Variants in EMB observed in about 807,000 individuals in gnomAD.
The protein encoded by EMB is embigin homolog.
EMB carries 31 observed loss-of-function variants against 41.4 expected under a neutral mutation model. That is an observed-to-expected ratio of 0.75 (90% CI 0.56 to 1.01). The LOEUF is 1.01. EMB is among the 50% of genes least tolerant of loss of function. The pLI is 0.00. For missense variants in EMB, 379 were observed against 388.3 expected, an observed-to-expected ratio of 0.98 and a Z score of 0.20; for synonymous variants, 137 against 140.4, an observed-to-expected ratio of 0.98 and a Z score of 0.17.
At chr5:50,428,366 C>T in intron 1 of EMB, 139 bp from the exon 2 acceptor site, 1 of 1,238,154 alleles carries the variant, frequency 8.1e-7, no homozygotes, top group Non-Finnish European at 1.1e-6. Flanking sequence ...GTCTTATATA[C>T]TTCAAAGACA....
intron 2 of EMB, among the ~76,000 whole-genome samples, chr5:50,426,912 A>C (rs1298563314): frequency 6.6e-6 from 1 of 151,754 alleles, no homozygotes; most frequent in Non-Finnish European, 1.5e-5. Flanking sequence ...AAAAAAAAAA[A>C]AAACACTTAG....
chr5:50,418,049 C>A (rs1380670670), intron 2 of EMB, among the ~76,000 whole-genome samples: 1 of 152,174 alleles, frequency 6.6e-6, no homozygotes, highest in Non-Finnish European at 1.5e-5. Context: ...AAAACAAAAA[C>A]AATTCTGTTT....
At chr5:50,428,006 C>G (rs1339682957) in intron 2 of EMB, 138 bp downstream of exon 2, 10 of 591,228 alleles carry the variant, frequency 1.7e-5, no homozygotes, top group Non-Finnish European at 3.0e-5. Context: ...AGATTCCCAG[C>G]TCACTACTGG....
intron 1 of EMB, among the ~76,000 whole-genome samples, chr5:50,440,377 T>C (rs1379439268): frequency 6.6e-6 from 1 of 151,536 alleles, no homozygotes; most frequent in Non-Finnish European, 1.5e-5. Context: ...CTACTAAAAA[T>C]ATAAAATTAG....
At chr5:50,414,974 C>T (rs1745405239) in intron 2 of EMB, among the ~76,000 whole-genome samples, 1 of 152,134 alleles carries the variant, frequency 6.6e-6, no homozygotes, top group Non-Finnish European at 1.5e-5. Context: ...ATGCTCTTTA[C>T]TTGCAAAATT....
At chr5:50,406,861 G>T (rs1745257556) in intron 4 of EMB, among the ~76,000 whole-genome samples, 1 of 151,926 alleles carries the variant, frequency 6.6e-6, no homozygotes, top group Admixed American at 6.6e-5. Flanking sequence ...CTAAAGACCT[G>T]CAGATAAGCA....
Position 50,398,745 on chromosome 5 carries a change from T to C in EMB, c.*528A>G, listed in dbSNP as rs888392048. On this transcript the variant is annotated 3_prime_UTR_variant, in exon 9 of 9. Coordinates refer to ENST00000303221, the MANE Select transcript of EMB (RefSeq NM_198449.3). ...TCTTGTGGAGATTGTAGAATAACTATCATTAGCAAAGGCAGAAAGTATTCA... is the reference window on the plus strand; with the variant it reads ...TCTTGTGGAGATTGTAGAATAACTACCATTAGCAAAGGCAGAAAGTATTCA... The C allele has an allele frequency of 2.0e-5, 3 of 152,198 alleles. No homozygotes were observed. Among genetic ancestry groups the C allele is most frequent in the African/African-American group, 7.2e-5 (3 of 41,428 alleles). 9.4% of individuals were successfully genotyped at this position (152,198 alleles called of 1,614,324 possible). A position where few individuals can be genotyped will look rare whatever the true frequency, so the allele number is the denominator to read the frequency against.
At chr5:50,433,078 CA>C (rs55732801) in intron 1 of EMB, among the ~76,000 whole-genome samples, 43 of 134,888 alleles carry the variant, frequency 3.2e-4, no homozygotes, top group Admixed American at 7.4e-4. Context: ...ACTCTGTCTC[CA>C]AAAAAAAAAC....
At chr5:50,409,487 T>C (rs1322232636) in intron 4 of EMB, among the ~76,000 whole-genome samples, 3 of 152,050 alleles carry the variant, frequency 2.0e-5, no homozygotes, top group Non-Finnish European at 4.4e-5. Flanking sequence ...TCTTTACATA[T>C]TTTTTAAAAA....
At chr5:50,405,016 G>A (rs185751813) in intron 5 of EMB, among the ~76,000 whole-genome samples, 27 of 152,002 alleles carry the variant, frequency 1.8e-4, no homozygotes, top group African/African-American at 6.3e-4. Flanking sequence ...ATGCTTCTTA[G>A]TGCCAGGGCA....
chr5:50,412,409 G>T (rs1318995600), intron 2 of EMB, among the ~76,000 whole-genome samples: 1 of 152,018 alleles, frequency 6.6e-6, no homozygotes, highest in Non-Finnish European at 1.5e-5. Context: ...AACCTCCATT[G>T]TCATAAATCC....
At chr5:50,419,536 T>TACACACACACAC (rs371940991) in intron 2 of EMB, among the ~76,000 whole-genome samples, 2,717 of 142,698 alleles carry the variant, frequency 0.019, 38 homozygotes, top group South Asian at 0.027. Context: ...CCCCACTACA[T>TACACACACACAC]ACACACACAC....
At chr5:50,404,023 G>C (rs1305716024) in intron 5 of EMB, among the ~76,000 whole-genome samples, 1 of 151,870 alleles carries the variant, frequency 6.6e-6, no homozygotes, top group African/African-American at 2.4e-5. Context: ...CACACCTTCT[G>C]TCTTTTCATA....
At chr5:50,431,612 T>C (rs977035546) in intron 1 of EMB, among the ~76,000 whole-genome samples, 3 of 152,166 alleles carry the variant, frequency 2.0e-5, no homozygotes, top group Non-Finnish European at 4.4e-5. Flanking sequence ...AAACCTCATC[T>C]GATAGGGAAA....
intron 6 of EMB, 112 bp downstream of exon 6, chr5:50,403,066 C>G: frequency 1.9e-6 from 2 of 1,035,472 alleles, no homozygotes; most frequent in Non-Finnish European, 1.4e-6. Context: ...CCCAAAAATC[C>G]TAAAGTCATT....
At position 50,397,109 on chromosome 5, in the gene EMB, G is replaced by A. The variant is rs1332037200; in HGVS notation, c.*2164C>T. 3 of 152,068 alleles carry A rather than the reference G, an allele frequency of 2.0e-5. No homozygotes were observed. The highest frequency in any genetic ancestry group is 4.4e-5 in the Non-Finnish European group (3 of 68,012). The allele number at this position is 152,068 out of a possible 1,614,324, so 9.4% of individuals were successfully genotyped here. A position where few individuals can be genotyped will look rare whatever the true frequency, so the allele number is the denominator to read the frequency against. ...GGAAAGACTAAGAGAATTCCCCAAG[G>A]TGCCTAATATATAAACTTGGAGTAG... is the stretch of plus-strand genomic sequence containing the variant. On this transcript the variant is annotated 3_prime_UTR_variant, in exon 9 of 9. Transcript: ENST00000303221.
intron 2 of EMB, 166 bp from the exon 3 acceptor site, chr5:50,411,549 C>G: frequency 2.0e-6 from 1 of 510,108 alleles, no homozygotes; most frequent in Non-Finnish European, 3.4e-6. Context: ...TTCTTATTCC[C>G]TTTTATATGC....
intron 2 of EMB, among the ~76,000 whole-genome samples, chr5:50,418,369 G>T (rs1454088341): frequency 1.3e-5 from 2 of 152,182 alleles, no homozygotes; most frequent in Non-Finnish European, 2.9e-5. Flanking sequence ...TTGGTGATAG[G>T]CAAAGTACTC....
intron 2 of EMB, chr5:50,412,006 A>C (rs1745346204): frequency 6.6e-6 from 1 of 152,112 alleles, no homozygotes. Flanking sequence ...TGAGGTGTTT[A>C]TCCTTCTTTT....
Sources: gnomAD v4.1 joint callset for allele counts (sites outside exome capture counted in the v4.1 genomes callset) on GRCh38, gnomAD v4.1.1 for gene constraint, MANE v1.5 for transcripts, NCBI Gene and HGNC (gene_info 2026-07-23, HGNC 2026-07-21) for gene names.